The following SFXN1 variants were observed in gnomAD, a reference collection of about 807,000 sequenced individuals.
The protein encoded by SFXN1 is sideroflexin 1.
In SFXN1, 32 loss-of-function variants were observed where a neutral mutation model predicts 39.5. The ratio of observed to expected loss-of-function variants is 0.81; its 90% CI spans 0.61 to 1.09. The LOEUF is 1.09. Ranked by LOEUF, SFXN1 falls within the 50% of genes least tolerant of loss-of-function variation. The pLI is 0.00. For synonymous variants in SFXN1, 136 were observed against 146.5 expected (o/e 0.93, Z 0.52); for missense variants, 402 against 407.1 (o/e 0.99, Z 0.11).
At chr5:175,505,992 T>C (rs551363709) in intron 2 of SFXN1, among the ~76,000 whole-genome samples, 76 of 152,242 alleles carry the variant, frequency 5.0e-4, no homozygotes, top group African/African-American at 1.7e-3. Context: ...AAGTTTTATA[T>C]TTTTTAGTAG....
At chr5:175,495,941 C>CGAAA in intron 2 of SFXN1, among the ~76,000 whole-genome samples, 1 of 145,574 alleles carries the variant, frequency 6.9e-6, no homozygotes, top group Admixed American at 6.9e-5. Flanking sequence ...GCTCTTGTTG[C>CGAAA]CCAGGCTGGA....
chr5:175,509,162 A>G lies in SFXN1; in HGVS notation c.295A>G (p.Met99Val), dbSNP rs900084373. The G allele has an allele frequency of 3.7e-6, 6 of 1,613,748 alleles. No individual in the cohort carries two copies. The highest frequency in any genetic ancestry group is 3.3e-5 in the Admixed American group (2 of 59,918). The change falls in exon 3 of 11, where the codon ATG (methionine) becomes GTG (valine). Residue 99 changes from methionine (M) to valine (V), a missense_variant. By Grantham distance (21) the Met-to-Val change is conservative. Coordinates refer to ENST00000321442, the MANE Select transcript of SFXN1 (RefSeq NM_022754.7). ...LIGRMSAQVP[M>V]NMTITGCMMT... The stretch of plus-strand genomic sequence containing the variant: ...AGGAAGAATGTCAGCCCAGGTTCCC[A>G]TGAACATGACCATCACAGGTTGTAT...
At chr5:175,513,363 T>A (rs1760595934) in intron 6 of SFXN1, 100 bp from the exon 7 acceptor site, 1 of 1,317,734 alleles carries the variant, frequency 7.6e-7, no homozygotes. Flanking sequence ...TGAGTGGGTA[T>A]TTGAATTAAG....
At chr5:175,506,854 C>T (rs899242255) in intron 2 of SFXN1, among the ~76,000 whole-genome samples, 1 of 152,082 alleles carries the variant, frequency 6.6e-6, no homozygotes, top group South Asian at 2.1e-4. Flanking sequence ...TTAGTAGAGA[C>T]GGGTTTTCAC....
rs148547144 is a variant in SFXN1 at position 175,524,945 on chromosome 5, A to T, written c.873-1693A>T. 6.4e-4 allele frequency among the ~76,000 whole-genome samples: 97 copies of T among 152,376 alleles called. No homozygotes were observed. In the East Asian group the frequency reaches 0.015, roughly 24 times the overall value. ...GAAAAAATATTAGCAAAGCTGAAAA[A>T]TTAGAAAGTCAGAATAGGCCAGATA... On this transcript the variant is annotated intron_variant, in intron 10 of 10. Coordinates refer to ENST00000321442, the MANE Select transcript of SFXN1 (RefSeq NM_022754.7).
At chr5:175,487,730 A>G (rs1335226813) in intron 1 of SFXN1, among the ~76,000 whole-genome samples, 3 of 152,048 alleles carry the variant, frequency 2.0e-5, no homozygotes, top group African/African-American at 7.2e-5. Flanking sequence ...ACTTAGACCT[A>G]CTTACTCTGC....
intron 7 of SFXN1, among the ~76,000 whole-genome samples, chr5:175,515,554 G>A (rs1028571540): frequency 8.5e-5 from 13 of 152,238 alleles, no homozygotes; most frequent in East Asian, 5.8e-4. Context: ...GCTGTCCACC[G>A]CATACCCAGT....
At position 175,492,253 on chromosome 5, in the gene SFXN1, A is replaced by C; in HGVS notation, c.150A>C (p.Ile50=). 2 of 1,611,602 alleles carry C rather than the reference A, an allele frequency of 1.2e-6. No individual in the cohort carries two copies. Among genetic ancestry groups the C allele is most frequent in the Non-Finnish European group, 8.5e-7 (1 of 1,179,410 alleles). The change falls in exon 2 of 11, where the codon ATA becomes ATC. Residue 50 remains isoleucine (I), a synonymous_variant. Coordinates refer to ENST00000321442, the MANE Select transcript of SFXN1 (RefSeq NM_022754.7). The stretch of plus-strand genomic sequence containing the variant: ...AACAACTCGAGAGTGCGAGAAAAAT[A>C]GTACATGATTACAGGTAACATTAAT... ...TNEQLESARK[I]VHDYRQGIVP... is the part of the protein sequence containing the mutation.
Position 175,527,973 on chromosome 5 carries a change from G to T in SFXN1, c.*1239G>T, listed in dbSNP as rs1268479848. On this transcript the variant is annotated 3_prime_UTR_variant, in exon 11 of 11. Coordinates refer to ENST00000321442, the MANE Select transcript of SFXN1 (RefSeq NM_022754.7). The stretch of plus-strand genomic sequence containing the variant: ...CTCGCTCTGTCACCCAGGCTGGAGT[G>T]CAGTGGCGTAGTCTCGGCTCACTGC... The T allele has an allele frequency of 7.0e-6, 1 of 143,186 alleles. No individual in the cohort carries two copies. Among genetic ancestry groups the T allele is most frequent in the Non-Finnish European group, 1.5e-5 (1 of 67,230 alleles). The allele number at this position is 143,186 out of a possible 1,614,324, so 8.9% of individuals were successfully genotyped here. A position where few individuals can be genotyped will look rare whatever the true frequency, so the allele number is the denominator to read the frequency against.
chr5:175,522,615 T>C, intron 10 of SFXN1, 193 bp downstream of exon 10: 1 of 516,130 alleles, frequency 1.9e-6, no homozygotes, highest in African/African-American at 2.0e-5. Flanking sequence ...TGCACCCAGC[T>C]CTTTTCTACC....
chr5:175,497,924 C>A, intron 2 of SFXN1, among the ~76,000 whole-genome samples: 1 of 142,998 alleles, frequency 7.0e-6, no homozygotes, highest in East Asian at 2.0e-4. Flanking sequence ...GAGCAAAACT[C>A]CGTCTCAAAA....
At chr5:175,522,554 A>T in intron 10 of SFXN1, 132 bp downstream of exon 10, 1 of 826,436 alleles carries the variant, frequency 1.2e-6, no homozygotes, top group Non-Finnish European at 1.9e-6. Flanking sequence ...AGGGTCTCTT[A>T]AAAGGAAGGG....
Position 175,499,248 on chromosome 5 carries a change from C to G in SFXN1, c.164+6981C>G, listed in dbSNP as rs200393140. 6.8e-4 allele frequency among the ~76,000 whole-genome samples: 98 copies of G among 143,970 alleles called. No individual in the cohort carries two copies. The East Asian group carries it at 0.016, about 23-fold the overall frequency. The allele number at this position is 143,970 out of a possible 152,430, so 94.4% of individuals were successfully genotyped here. The stretch of plus-strand genomic sequence containing the variant: ...CCAGCCTGGGCAACAGAGTGAGACT[C>G]TGTCTCAAGAAAAAAAAAAAAGGGA... On this transcript the variant is annotated intron_variant, in intron 2 of 10. Coordinates refer to ENST00000321442, the MANE Select transcript of SFXN1 (RefSeq NM_022754.7).
chr5:175,480,248 A>G (rs1354152592), intron 1 of SFXN1, among the ~76,000 whole-genome samples: 2 of 152,108 alleles, frequency 1.3e-5, no homozygotes, highest in East Asian at 3.9e-4. Context: ...AAAAATACAA[A>G]AAATTAGCTG....
Position 175,526,728 on chromosome 5 carries a change from A to T in SFXN1, c.963A>T (p.Gly321=). The change falls in exon 11 of 11, where the codon GGA becomes GGT. Residue 321 remains glycine (G), a synonymous_variant. Coordinates refer to ENST00000321442, the MANE Select transcript of SFXN1 (RefSeq NM_022754.7). The part of the protein sequence containing the change: ...PELRRVYFNK[G]L ...TGCGACGCGTGTACTTCAATAAGGG[A>T]TTGTAAAGCAGGGAGGAAACCTCTG... 2 of 1,613,904 alleles carry T rather than the reference A, an allele frequency of 1.2e-6. No individual in the cohort carries two copies. Among genetic ancestry groups the T allele is most frequent in the Non-Finnish European group, 1.7e-6 (2 of 1,179,730 alleles).
At chr5:175,504,747 G>A (rs879385794) in intron 2 of SFXN1, among the ~76,000 whole-genome samples, 2 of 151,854 alleles carry the variant, frequency 1.3e-5, no homozygotes, top group Admixed American at 6.6e-5. Context: ...GGGCGGGGAG[G>A]GTGCGGAGTC....
At chr5:175,489,043 G>C (rs1265593752) in intron 1 of SFXN1, among the ~76,000 whole-genome samples, 3 of 152,062 alleles carry the variant, frequency 2.0e-5, no homozygotes, top group Admixed American at 2.0e-4. Flanking sequence ...TCACCGATGC[G>C]GCCCAAGAGT....
intron 2 of SFXN1, among the ~76,000 whole-genome samples, chr5:175,501,954 CG>C (rs1760100077): frequency 6.6e-6 from 1 of 152,102 alleles, no homozygotes; most frequent in Non-Finnish European, 1.5e-5. Flanking sequence ...TCAGTCTCCC[CG>C]ACTGATTCGG....
At chr5:175,487,586 T>A (rs1759497626) in intron 1 of SFXN1, among the ~76,000 whole-genome samples, 1 of 152,204 alleles carries the variant, frequency 6.6e-6, no homozygotes, top group Non-Finnish European at 1.5e-5. Flanking sequence ...CTTTCTGACC[T>A]CTTCACACCA....
Sources: gnomAD v4.1 joint callset for allele counts (sites outside exome capture counted in the v4.1 genomes callset) on GRCh38, gnomAD v4.1.1 for gene constraint, MANE v1.5 for transcripts, NCBI Gene and HGNC (gene_info 2026-07-23, HGNC 2026-07-21) for gene names.